Variants in COL26A1 observed in about 807,000 individuals in gnomAD.
The protein encoded by COL26A1 is collagen type XXVI alpha 1 chain, also known as collagen alpha-1(XXVI) chain.
Under a neutral mutation model 59.3 loss-of-function variants are expected in COL26A1, and 41 were observed. The observed-to-expected ratio is 0.69, with a 90% CI of 0.54 to 0.90. The LOEUF is 0.90. Ranked by LOEUF, COL26A1 falls within the 40% of genes least tolerant of loss-of-function variation. The pLI, the probability that COL26A1 is intolerant of heterozygous loss-of-function variation, is 0.00. For synonymous variants in COL26A1, 266 were observed against 256.0 expected, an observed-to-expected ratio of 1.04 and a Z score of -0.37; for missense variants, 612 against 602.3, an observed-to-expected ratio of 1.02 and a Z score of -0.17.
At chr7:101,373,713 T>C (rs1203622530) in intron 1 of COL26A1, among the ~76,000 whole-genome samples, 3 of 152,130 alleles carry the variant, frequency 2.0e-5, no homozygotes, top group Non-Finnish European at 4.4e-5. Context: ...GCTTCTCCCT[T>C]TGAAGTGTGA....
At chr7:101,372,617 C>T (rs543931906) in intron 1 of COL26A1, among the ~76,000 whole-genome samples, 34 of 152,264 alleles carry the variant, frequency 2.2e-4, no homozygotes, top group African/African-American at 8.2e-4. Flanking sequence ...GTGACTGGGG[C>T]ATTCTGGGCA....
intron 2 of COL26A1, among the ~76,000 whole-genome samples, chr7:101,432,981 C>T (rs917993225): frequency 3.3e-5 from 5 of 152,108 alleles, no homozygotes; most frequent in South Asian, 2.1e-4. Context: ...GGATTACAGG[C>T]GTAAGCCACT....
chr7:101,401,089 T>C (rs1319207014), intron 1 of COL26A1, among the ~76,000 whole-genome samples: 1 of 152,160 alleles, frequency 6.6e-6, no homozygotes, highest in African/African-American at 2.4e-5. Context: ...GGCTTGGGGA[T>C]GATTTTGCAG....
chr7:101,526,795 C>T (rs1795256362), intron 3 of COL26A1, among the ~76,000 whole-genome samples: 1 of 152,156 alleles, frequency 6.6e-6, no homozygotes, highest in South Asian at 2.1e-4. Context: ...AGTGAAGAGT[C>T]CTGGAGCCTG....
intron 12 of COL26A1, among the ~76,000 whole-genome samples, chr7:101,557,120 AATGGATGAATGGGTGGATACACAG>A (rs1255736774): frequency 1.3e-5 from 2 of 151,768 alleles, no homozygotes; most frequent in Non-Finnish European, 2.9e-5. Flanking sequence ...TGAATGGGTG[AATGGATGAATGGGTGGATACACAG>A]ATGGATGAAT....
At chr7:101,387,764 A>ATTTT (rs1449600744) in intron 1 of COL26A1, among the ~76,000 whole-genome samples, 1 of 37,816 alleles carries the variant, frequency 2.6e-5, no homozygotes, top group African/African-American at 7.2e-5. Flanking sequence ...TTATATATAT[A>ATTTT]TATATATATA....
chr7:101,398,920 G>A (rs372935281), intron 1 of COL26A1, among the ~76,000 whole-genome samples: 1 of 152,124 alleles, frequency 6.6e-6, no homozygotes, highest in South Asian at 2.1e-4. Flanking sequence ...GGTGCGGGAT[G>A]CTTACCCAGG....
At chr7:101,388,730 G>C (rs10250151) in intron 1 of COL26A1, 9,367 of 151,502 alleles carry the variant, frequency 0.062, 664 homozygotes, top group African/African-American at 0.16. Context: ...GCCCGGCTAA[G>C]TTTTTTTTTG....
intron 1 of COL26A1, among the ~76,000 whole-genome samples, chr7:101,374,265 T>C (rs1791257970): frequency 6.6e-6 from 1 of 152,048 alleles, no homozygotes; most frequent in African/African-American, 2.4e-5. Flanking sequence ...CCAGGTTAAT[T>C]CTGAAATACT....
rs866614312 is a variant in COL26A1, at chr7:101,447,757, C to A, written c.355C>A (p.Pro119Thr). The change falls in exon 3 of 13, where the codon CCT (proline) becomes ACT (threonine). Residue 119 changes from proline (P) to threonine (T), a missense_variant. Physicochemically the swap from Pro to Thr is conservative, Grantham distance 38. Coordinates refer to ENST00000313669, the MANE Select transcript of COL26A1 (RefSeq NM_001278563.3). ...GACGGTGCTGGAGTGGAGATGCTGCCCTGGCTTCACCGGGAGCAACTGTGA... is the reference window on the plus strand; with the variant it reads ...GACGGTGCTGGAGTGGAGATGCTGCACTGGCTTCACCGGGAGCAACTGTGA... ...TVTVLEWRCC[P>T]GFTGSNCDEE... 2 of 1,604,782 alleles carry A rather than the reference C, an allele frequency of 1.2e-6. No individual in the cohort carries two copies. Among genetic ancestry groups the A allele is most frequent in the Non-Finnish European group, 1.7e-6 (2 of 1,175,816 alleles).
chr7:101,482,723 G>A (rs1458455784), intron 3 of COL26A1, among the ~76,000 whole-genome samples: 3 of 152,140 alleles, frequency 2.0e-5, no homozygotes, highest in Non-Finnish European at 4.4e-5. Flanking sequence ...TTGGGAGGCC[G>A]AGGCGGGTGG....
At chr7:101,366,920 C>G (rs917432091) in intron 1 of COL26A1, among the ~76,000 whole-genome samples, 1 of 152,122 alleles carries the variant, frequency 6.6e-6, no homozygotes, top group African/African-American at 2.4e-5. Context: ...TGAGAGAGTA[C>G]TTTTTCCTCC....
intron 3 of COL26A1, among the ~76,000 whole-genome samples, chr7:101,505,494 A>G (rs1209950625): frequency 6.6e-6 from 1 of 152,164 alleles, no homozygotes; most frequent in Admixed American, 6.5e-5. Flanking sequence ...GTATTAACTC[A>G]CAGGATCACG....
intron 1 of COL26A1, among the ~76,000 whole-genome samples, chr7:101,368,311 A>T (rs971970828): frequency 2.0e-5 from 3 of 152,184 alleles, no homozygotes; most frequent in Admixed American, 2.0e-4. Context: ...TTCATTAAGG[A>T]TCGCAAAGTG....
chr7:101,511,188 C>T (rs111689423), intron 3 of COL26A1, among the ~76,000 whole-genome samples: 193 of 152,302 alleles, frequency 1.3e-3, no homozygotes, highest in African/African-American at 4.3e-3. Context: ...AGGCGTGAGC[C>T]ACCGCACCCG....
At chr7:101,384,669 T>C (rs538933177) in intron 1 of COL26A1, among the ~76,000 whole-genome samples, 2 of 152,268 alleles carry the variant, frequency 1.3e-5, no homozygotes, top group Admixed American at 1.3e-4. Flanking sequence ...GTGTTGGTCA[T>C]TGTGTGTGTT....
At chr7:101,393,263 G>T (rs535248738) in intron 1 of COL26A1, among the ~76,000 whole-genome samples, 65 of 152,188 alleles carry the variant, frequency 4.3e-4, no homozygotes, top group Non-Finnish European at 7.4e-4. Flanking sequence ...GTTTGTTAAG[G>T]AGTATTAACT....
intron 1 of COL26A1, among the ~76,000 whole-genome samples, chr7:101,408,497 C>G (rs1440454110): frequency 6.6e-6 from 1 of 152,166 alleles, no homozygotes; most frequent in Non-Finnish European, 1.5e-5. Flanking sequence ...GGGCTAAAAG[C>G]CTTTCTCAAT....
intron 1 of COL26A1, among the ~76,000 whole-genome samples, chr7:101,385,367 G>GTATATATATATATA (rs373941775): frequency 5.0e-4 from 68 of 137,034 alleles, no homozygotes; most frequent in South Asian, 1.1e-3. Context: ...ATATATGTGT[G>GTATATATATATATA]TATATATATA....
Sources: gnomAD v4.1 joint callset for allele counts (sites outside exome capture counted in the v4.1 genomes callset) on GRCh38, gnomAD v4.1.1 for gene constraint, MANE v1.5 for transcripts, NCBI Gene and HGNC (gene_info 2026-07-23, HGNC 2026-07-21) for gene names.